Variants in ATP6V1E2 observed in about 807,000 individuals in gnomAD.
ATP6V1E2 encodes ATPase H+ transporting V1 subunit E2, also known as V-type proton ATPase subunit E 2.
For missense variants in ATP6V1E2, 308 were observed against 273.3 expected, an observed-to-expected ratio of 1.13 and a Z score of -0.90; for synonymous variants, 121 against 104.2, an observed-to-expected ratio of 1.16 and a Z score of -0.98.
At chr2:46,538,675 C>G (rs1667570673) in intron 2 of ATP6V1E2, among the ~76,000 whole-genome samples, 1 of 152,028 alleles carries the variant, frequency 6.6e-6, no homozygotes, top group Admixed American at 6.6e-5. Flanking sequence ...CTTTGCTTCT[C>G]TCTGCACTTT....
intron 4 of ATP6V1E2, among the ~76,000 whole-genome samples, chr2:46,529,939 C>G (rs1470316454): frequency 6.6e-6 from 1 of 152,080 alleles, no homozygotes; most frequent in Admixed American, 6.5e-5. Context: ...ATGCAGTGGC[C>G]TGATCAGGGC....
At chr2:46,527,856 C>T (rs1392988887) in intron 4 of ATP6V1E2, 1 of 152,130 alleles carries the variant, frequency 6.6e-6, no homozygotes, top group Admixed American at 6.5e-5. Context: ...AAGTTCTTTG[C>T]CCATTTTTAA....
In ATP6V1E2 at chr2:46,530,053, AT is replaced by A. The variant is rs1247336078; in HGVS notation, c.-102+5759del. On this transcript the variant is annotated intron_variant, in intron 4 of 4. Transcript: ENST00000522587. The surrounding 1 kb of genome is among the most constrained non-coding windows in gnomAD (Gnocchi z 5.2). ...ATTGTTGCAAAGGGGGTTGAAGGAT[AT>A]CCCTGACTGTAAGGCATCTGCTGGA... Among the ~76,000 whole-genome samples the A allele has an allele frequency of 6.6e-6, 1 of 152,200 alleles. No homozygotes were observed. Among genetic ancestry groups the A allele is most frequent in the Non-Finnish European group, 1.5e-5 (1 of 68,026 alleles).
In ATP6V1E2 at chr2:46,542,471, C is replaced by T. The variant is rs1409932967; in HGVS notation, c.-628G>A. On this transcript the variant is annotated 5_prime_UTR_variant, in exon 1 of 5. Coordinates refer to ENST00000522587, the MANE Select transcript of ATP6V1E2 (RefSeq NM_001318063.2). ...CCCCAGGCGACTCCCCTCCTCCCCT[C>T]CGCGGTCCTCGGCTCCTCCTCCTCC... 6 of 150,882 alleles carry T rather than the reference C, an allele frequency of 4.0e-5. No homozygotes were observed. The highest frequency in any genetic ancestry group is 8.9e-5 in the Non-Finnish European group (6 of 67,770). 9.3% of individuals were successfully genotyped at this position (150,882 alleles called of 1,614,324 possible).
rs758618236 is a variant in ATP6V1E2 at position 46,542,344 on chromosome 2, A to G, written c.-501T>C. 1 of 151,698 alleles carries G rather than the reference A, an allele frequency of 6.6e-6. No homozygotes were observed. Among genetic ancestry groups the G allele is most frequent in the Non-Finnish European group, 1.5e-5 (1 of 67,924 alleles). 9.4% of individuals were successfully genotyped at this position (151,698 alleles called of 1,614,324 possible). A position where few individuals can be genotyped will look rare whatever the true frequency, so the allele number is the denominator to read the frequency against. ...TGGCATGACTATTGCGTCATCGTGG[A>G]GGTCGTCGTGGTTCCCCGAGAGGCC... On this transcript the variant is annotated 5_prime_UTR_variant, in exon 1 of 5. Coordinates refer to ENST00000522587, the MANE Select transcript of ATP6V1E2 (RefSeq NM_001318063.2).
chr2:46,515,608 A>G (rs1001197073), intron 4 of ATP6V1E2, among the ~76,000 whole-genome samples: 8 of 152,234 alleles, frequency 5.3e-5, no homozygotes, highest in Non-Finnish European at 1.0e-4. Flanking sequence ...GAAAAGAGAG[A>G]CAAAAAGCCG....
At chr2:46,515,647 AC>A (rs992373059) in intron 4 of ATP6V1E2, among the ~76,000 whole-genome samples, 1 of 152,246 alleles carries the variant, frequency 6.6e-6, no homozygotes, top group Non-Finnish European at 1.5e-5. Context: ...ACAACAGTTA[AC>A]AAATAGCAAC....
At chr2:46,521,257 G>C (rs1274313285) in intron 4 of ATP6V1E2, among the ~76,000 whole-genome samples, 3 of 152,238 alleles carry the variant, frequency 2.0e-5, no homozygotes, top group South Asian at 2.1e-4. Context: ...ATCTCTTCTT[G>C]GGCCCTTGCC....
chr2:46,523,543 T>C (rs1666744518), intron 4 of ATP6V1E2, among the ~76,000 whole-genome samples: 1 of 152,130 alleles, frequency 6.6e-6, no homozygotes, highest in Non-Finnish European at 1.5e-5. Flanking sequence ...ATCAGATGGT[T>C]GTAGATGTGC....
At chr2:46,518,148 T>C (rs991651014) in intron 4 of ATP6V1E2, among the ~76,000 whole-genome samples, 6 of 152,172 alleles carry the variant, frequency 3.9e-5, no homozygotes, top group African/African-American at 9.7e-5. Flanking sequence ...ATACATAAAA[T>C]GGAATATTAT....
At position 46,512,931 on chromosome 2, in the gene ATP6V1E2, C is replaced by T. The variant is rs1047663621; in HGVS notation, c.-101-119G>A. 9.8e-6 allele frequency: 5 copies of T among 509,658 alleles called. No individual in the cohort carries two copies. In the South Asian group the frequency reaches 1.4e-4, roughly 14 times the overall value. The allele number at this position is 509,658 out of a possible 1,614,324, so 31.6% of individuals were successfully genotyped here. On this transcript the variant is annotated intron_variant, in intron 4 of 4. Coordinates refer to ENST00000522587, the MANE Select transcript of ATP6V1E2 (RefSeq NM_001318063.2). Reference sequence around the variant, plus strand: ...GAAATTGAGGTCCAGAGAAGGAACACAATTTATCTAAGGTTATACTCTAGA... The same window carrying T: ...GAAATTGAGGTCCAGAGAAGGAACATAATTTATCTAAGGTTATACTCTAGA...
At chr2:46,522,535 T>C (rs1228948248) in intron 4 of ATP6V1E2, among the ~76,000 whole-genome samples, 1 of 152,226 alleles carries the variant, frequency 6.6e-6, no homozygotes, top group Non-Finnish European at 1.5e-5. Context: ...GATGATGGCT[T>C]CCAGCTTCAT....
chr2:46,533,857 T>G (rs1667310723), intron 4 of ATP6V1E2, among the ~76,000 whole-genome samples: 1 of 152,256 alleles, frequency 6.6e-6, no homozygotes, highest in Non-Finnish European at 1.5e-5. Flanking sequence ...TGACAGTGCT[T>G]TCTTTTTCTT....
intron 4 of ATP6V1E2, among the ~76,000 whole-genome samples, chr2:46,525,536 A>G (rs1475041263): frequency 6.6e-6 from 1 of 150,756 alleles, no homozygotes; most frequent in African/African-American, 2.4e-5. Context: ...AGCTTGGGAG[A>G]GAAGGCAAGG....
chr2:46,525,901 A>G (rs951077003), intron 4 of ATP6V1E2, among the ~76,000 whole-genome samples: 13 of 146,972 alleles, frequency 8.8e-5, no homozygotes, highest in African/African-American at 3.0e-4. Context: ...AGTTTCTCCA[A>G]AAAAAAAAAA....
chr2:46,540,428 C>A (rs1387298197), intron 2 of ATP6V1E2, among the ~76,000 whole-genome samples: 7 of 102,546 alleles, frequency 6.8e-5, no homozygotes, highest in Non-Finnish European at 1.3e-4. Context: ...CAGAGCAAGA[C>A]CCTATCTCAA....
At chr2:46,526,884 G>A (rs1010410005) in intron 4 of ATP6V1E2, among the ~76,000 whole-genome samples, 7 of 152,114 alleles carry the variant, frequency 4.6e-5, no homozygotes, top group Admixed American at 4.6e-4. Flanking sequence ...CTTCTTTGGG[G>A]TATATGCCTA....
At chr2:46,533,900 C>T (rs1052824754) in intron 4 of ATP6V1E2, among the ~76,000 whole-genome samples, 1 of 152,088 alleles carries the variant, frequency 6.6e-6, no homozygotes, top group Non-Finnish European at 1.5e-5. Context: ...TCATTAAGTT[C>T]TAGTTTGCAT....
intron 4 of ATP6V1E2, among the ~76,000 whole-genome samples, chr2:46,521,968 G>C (rs968948307): frequency 6.6e-6 from 1 of 152,138 alleles, no homozygotes; most frequent in Non-Finnish European, 1.5e-5. Flanking sequence ...GGGATTACAG[G>C]TGTGAGCCAC....
Sources: gnomAD v4.1 joint callset for allele counts (sites outside exome capture counted in the v4.1 genomes callset) on GRCh38, gnomAD v4.1.1 for gene constraint, Gnocchi (gnomAD v3.1) non-coding constraint, MANE v1.5 for transcripts, NCBI Gene and HGNC (gene_info 2026-07-23, HGNC 2026-07-21) for gene names.